SLC17A5: variants seen among roughly 807,000 people sequenced by gnomAD.
SLC17A5 encodes solute carrier family 17 member 5.
A neutral mutation model predicts 59.4 loss-of-function variants in SLC17A5; 47 were observed. The ratio of observed to expected loss-of-function variants is 0.79; its 90% CI spans 0.63 to 1.01. The LOEUF is 1.01. SLC17A5 is among the 50% of genes least tolerant of loss of function. The pLI, the probability that SLC17A5 is intolerant of heterozygous loss-of-function variation, is 0.00. For synonymous variants in SLC17A5, 202 were observed against 210.7 expected, an observed-to-expected ratio of 0.96 and a Z score of 0.36; for missense variants, 522 against 595.5, an observed-to-expected ratio of 0.88 and a Z score of 1.28.
chr6:73,610,626 A>C, intron 8 of SLC17A5, 79 bp from the exon 9 acceptor site: 1 of 1,521,404 alleles, frequency 6.6e-7, no homozygotes, highest in Non-Finnish European at 9.1e-7. Context: ...TAAATCTGAA[A>C]TTTGAAATTG....
In SLC17A5 at chr6:73,595,080, G is replaced by A; in HGVS notation, c.1485C>T (p.His495=). The A allele has an allele frequency of 6.2e-7, 1 of 1,614,082 alleles. No homozygotes were observed. The highest frequency in any genetic ancestry group is 8.5e-7 in the Non-Finnish European group (1 of 1,180,006). ...WALNDHHGHR[H] ...GCAGGATTATTTATTGGTTCCTTCA[G>A]TGTCTGTGTCCATGGTGATCATTGA... Residue 495 remains histidine (H), a synonymous_variant, in exon 11 of 11, where the codon CAC becomes CAT. Transcript: ENST00000355773.
chr6:73,608,156 C>T (rs1264217718), intron 9 of SLC17A5, among the ~76,000 whole-genome samples: 1 of 152,126 alleles, frequency 6.6e-6, no homozygotes, highest in East Asian at 1.9e-4. Context: ...CATTCCCACT[C>T]CCCACCCCCA....
At chr6:73,627,126 G>A (rs968434650) in intron 6 of SLC17A5, among the ~76,000 whole-genome samples, 22 of 151,610 alleles carry the variant, frequency 1.5e-4, no homozygotes, top group South Asian at 2.1e-4. Flanking sequence ...CGCCAGGCTG[G>A]AGTGCAGTGT....
chr6:73,602,679 G>C (rs1304103450), intron 9 of SLC17A5, among the ~76,000 whole-genome samples: 2 of 151,900 alleles, frequency 1.3e-5, no homozygotes, highest in Non-Finnish European at 2.9e-5. Context: ...GGAGGCTGAG[G>C]CAGGAGAATG....
intron 7 of SLC17A5, among the ~76,000 whole-genome samples, chr6:73,619,556 G>C (rs532008063): frequency 2.6e-5 from 4 of 151,160 alleles, no homozygotes; most frequent in Non-Finnish European, 5.9e-5. Context: ...AAAACACCTA[G>C]GCCATTTCAT....
intron 6 of SLC17A5, among the ~76,000 whole-genome samples, chr6:73,623,832 G>A (rs567224980): frequency 8.6e-5 from 13 of 151,900 alleles, no homozygotes; most frequent in African/African-American, 3.1e-4. Flanking sequence ...TGAGTAGCTG[G>A]AATCACAGGC....
chr6:73,597,891 A>G (rs116517641), intron 10 of SLC17A5, among the ~76,000 whole-genome samples: 230 of 152,300 alleles, frequency 1.5e-3, no homozygotes, highest in African/African-American at 5.3e-3. Context: ...GAGGTCATTT[A>G]TTTGGGAAAA....
chr6:73,603,843 T>C (rs1385663879), intron 9 of SLC17A5, among the ~76,000 whole-genome samples: 1 of 152,072 alleles, frequency 6.6e-6, no homozygotes, highest in Non-Finnish European at 1.5e-5. Context: ...TCCTGTACAC[T>C]GATAGTTTCT....
chr6:73,633,420 T>TG (rs1333839374), intron 6 of SLC17A5, among the ~76,000 whole-genome samples: 28 of 152,006 alleles, frequency 1.8e-4, no homozygotes, highest in East Asian at 7.8e-4. Flanking sequence ...TTTTTAGAGA[T>TG]GGGGTCTCGC....
Position 73,612,870 on chromosome 6 carries a change from G to A in SLC17A5, c.1112-2323C>T, listed in dbSNP as rs566107809. Among the ~76,000 whole-genome samples, 186 of 152,254 alleles carry A rather than the reference G, an allele frequency of 1.2e-3. 3 individuals are homozygous for A. The highest frequency in any genetic ancestry group is 4.3e-3 in the African/African-American group (177 of 41,534). Reference sequence around the variant, plus strand: ...AATTTGTGACTAACCTGAGCAACATGGTAAAACCATGTCTCTACAAAAAAT... The same window carrying A: ...AATTTGTGACTAACCTGAGCAACATAGTAAAACCATGTCTCTACAAAAAAT... On this transcript the variant is annotated intron_variant, in intron 8 of 10. Transcript: ENST00000355773.
intron 8 of SLC17A5, 112 bp from the exon 9 acceptor site, chr6:73,610,659 T>A: frequency 8.6e-7 from 1 of 1,166,532 alleles, no homozygotes; most frequent in Non-Finnish European, 1.2e-6. Context: ...GTAGAAACAC[T>A]ATATTGCCTG....
At chr6:73,602,028 C>G (rs1242369861) in intron 9 of SLC17A5, among the ~76,000 whole-genome samples, 1 of 152,004 alleles carries the variant, frequency 6.6e-6, no homozygotes, top group African/African-American at 2.4e-5. Flanking sequence ...ATTGAGAAAT[C>G]GGATGGTTGC....
chr6:73,622,006 A>T (rs753888952), intron 6 of SLC17A5, 44 bp from the exon 7 acceptor site: 1 of 1,585,062 alleles, frequency 6.3e-7, no homozygotes, highest in Non-Finnish European at 8.7e-7. Context: ...GGCTATGTTA[A>T]TGCTTAGATC....
intron 6 of SLC17A5, among the ~76,000 whole-genome samples, chr6:73,632,393 TAA>T (rs1419170790): frequency 2.1e-5 from 3 of 142,942 alleles, no homozygotes; most frequent in South Asian, 2.3e-4. Flanking sequence ...AGAAACAACC[TAA>T]GTTTGGAGAG....
At position 73,596,674 on chromosome 6, in the gene SLC17A5, G is replaced by A. The variant is rs185331542; in HGVS notation, c.1351-1460C>T. Among the ~76,000 whole-genome samples the A allele has an allele frequency of 1.7e-3, 265 of 152,002 alleles. 1 individual carries two copies. The highest frequency in any genetic ancestry group is 6.0e-3 in the African/African-American group (249 of 41,464). On this transcript the variant is annotated intron_variant, in intron 10 of 10. Transcript: ENST00000355773. ...GATCGAGACCATCCTGGCTAACATG[G>A]TGAAACCCCGTCTTTACTAAAAAAA...
intron 6 of SLC17A5, among the ~76,000 whole-genome samples, chr6:73,626,327 AG>A (rs955654755): frequency 2.6e-5 from 4 of 152,208 alleles, no homozygotes; most frequent in Non-Finnish European, 5.9e-5. Context: ...CAAGGCTCAC[AG>A]GGTTAGAGGC....
At chr6:73,620,442 C>A (rs1426673999) in intron 7 of SLC17A5, among the ~76,000 whole-genome samples, 1 of 152,270 alleles carries the variant, frequency 6.6e-6, no homozygotes, top group East Asian at 1.9e-4. Flanking sequence ...TAAGATTGCT[C>A]ACAATGAATC....
chr6:73,621,423 G>A (rs1165730044), intron 7 of SLC17A5, among the ~76,000 whole-genome samples: 3 of 152,232 alleles, frequency 2.0e-5, no homozygotes, highest in African/African-American at 7.2e-5. Flanking sequence ...GCAGGCGTGA[G>A]CCACTACACC....
chr6:73,598,385 C>T (rs765552875), intron 10 of SLC17A5, among the ~76,000 whole-genome samples: 2 of 152,146 alleles, frequency 1.3e-5, no homozygotes, highest in East Asian at 1.9e-4. Context: ...TATCCCAGCA[C>T]TTTGGGAGGC....
Sources: gnomAD v4.1 joint callset for allele counts (sites outside exome capture counted in the v4.1 genomes callset) on GRCh38, gnomAD v4.1.1 for gene constraint, MANE v1.5 for transcripts, NCBI Gene and HGNC (gene_info 2026-07-23, HGNC 2026-07-21) for gene names.